DYM: variants seen among roughly 807,000 people sequenced by gnomAD.
The protein encoded by DYM is dyggve-Melchior-Clausen syndrome protein.
Under a neutral mutation model 93.1 loss-of-function variants are expected in DYM, and 78 were observed. The ratio of observed to expected loss-of-function variants is 0.84; its 90% CI spans 0.70 to 1.01. The LOEUF is 1.01. DYM is among the 50% of genes least tolerant of loss of function. The pLI is 0.00. For synonymous variants in DYM, 321 were observed against 319.7 expected, an observed-to-expected ratio of 1.00 and a Z score of -0.04; for missense variants, 789 against 845.0, an observed-to-expected ratio of 0.93 and a Z score of 0.82.
intron 6 of DYM, among the ~76,000 whole-genome samples, chr18:49,353,815 T>A (rs2065321934): frequency 1.3e-5 from 2 of 152,000 alleles, no homozygotes; most frequent in East Asian, 1.9e-4. Flanking sequence ...TATTCATGGA[T>A]AGAAAGACTC....
At chr18:49,044,672 A>G (rs542550244) in intron 17 of DYM, among the ~76,000 whole-genome samples, 1 of 152,234 alleles carries the variant, frequency 6.6e-6, no homozygotes, top group South Asian at 2.1e-4. Context: ...AGGGGTAGGC[A>G]TGTGCCACCG....
At chr18:49,350,015 T>C (rs1365936824) in intron 6 of DYM, among the ~76,000 whole-genome samples, 1 of 152,200 alleles carries the variant, frequency 6.6e-6, no homozygotes, top group Non-Finnish European at 1.5e-5. Flanking sequence ...AATTTTATAA[T>C]GTACAATGTT....
At chr18:49,332,790 T>A (rs944581317) in intron 7 of DYM, among the ~76,000 whole-genome samples, 3 of 152,154 alleles carry the variant, frequency 2.0e-5, no homozygotes, top group Admixed American at 1.3e-4. Flanking sequence ...ACCCTCTATG[T>A]CTATTTTTAA....
chr18:49,296,380 G>A (rs1215648935), intron 8 of DYM, among the ~76,000 whole-genome samples: 2 of 152,284 alleles, frequency 1.3e-5, no homozygotes, highest in Admixed American at 1.3e-4. Flanking sequence ...TGCTGCCTAT[G>A]TACTTGTATA....
At position 49,257,099 on chromosome 18, in the gene DYM, C is replaced by T; in HGVS notation, c.1371G>A (p.Lys457=). 1 of 1,613,630 alleles carries T rather than the reference C, an allele frequency of 6.2e-7. No homozygotes were observed. The highest frequency in any genetic ancestry group is 8.5e-7 in the Non-Finnish European group (1 of 1,179,582). Residue 457 remains lysine (K), a synonymous_variant, in exon 13 of 18, where the codon AAG becomes AAA. Transcript: ENST00000675505. ...IQYNMTRTRD[K]YLHTNCLAAL... ...CTGCCAAACAATTTGTGTGAAGGTA[C>T]TTGTCCTGTGAGGAAACAGCGGGTG...
At chr18:49,436,548 C>T (rs972438975) in intron 1 of DYM, among the ~76,000 whole-genome samples, 4 of 152,028 alleles carry the variant, frequency 2.6e-5, no homozygotes, top group African/African-American at 9.7e-5. Flanking sequence ...CTGAATATGC[C>T]TCAATAAACC....
chr18:49,215,960 C>T (rs529430233), intron 13 of DYM, among the ~76,000 whole-genome samples: 33 of 104,778 alleles, frequency 3.1e-4, no homozygotes, highest in East Asian at 1.7e-3. Context: ...TTGCCTCACT[C>T]GGGAAGCGCA....
intron 15 of DYM, among the ~76,000 whole-genome samples, chr18:49,139,095 C>CA (rs2084173808): frequency 6.6e-6 from 1 of 152,052 alleles, no homozygotes; most frequent in African/African-American, 2.4e-5. Context: ...AAAACGATTT[C>CA]AAAAATTTAT....
At chr18:49,460,028 G>T (rs1482998045) in intron 1 of DYM, among the ~76,000 whole-genome samples, 3 of 152,098 alleles carry the variant, frequency 2.0e-5, no homozygotes, top group Non-Finnish European at 4.4e-5. Flanking sequence ...TTAATTTTCT[G>T]ATATGTTAGT....
chr18:49,373,182 C>A (rs1451712250), intron 5 of DYM, among the ~76,000 whole-genome samples: 1 of 151,782 alleles, frequency 6.6e-6, no homozygotes, highest in Admixed American at 6.6e-5. Context: ...GAAAGGGGTC[C>A]CAATCCAGAC....
intron 17 of DYM, among the ~76,000 whole-genome samples, chr18:49,055,931 C>A (rs1309329770): frequency 2.6e-5 from 4 of 152,204 alleles, no homozygotes; most frequent in Non-Finnish European, 5.9e-5. Context: ...CAACCAGCGG[C>A]TGACTCTAAT....
rs2071067027 is a variant in DYM at position 49,043,260 on chromosome 18, G to C, written c.*795C>G. ...TCCTCCTACCTTAGCCTCCTGAGTAGCTAGGACTACAGGAATGTGCCATCA... is the reference window on the plus strand; with the variant it reads ...TCCTCCTACCTTAGCCTCCTGAGTACCTAGGACTACAGGAATGTGCCATCA... On this transcript the variant is annotated 3_prime_UTR_variant, in exon 18 of 18. Transcript: ENST00000675505. 1 of 152,014 alleles carries C rather than the reference G, an allele frequency of 6.6e-6. No homozygotes were observed. The highest frequency in any genetic ancestry group is 2.1e-4 in the South Asian group (1 of 4,822). The allele number at this position is 152,014 out of a possible 1,614,324, so 9.4% of individuals were successfully genotyped here.
intron 1 of DYM, among the ~76,000 whole-genome samples, chr18:49,437,114 T>C (rs894349824): frequency 1.3e-4 from 20 of 152,164 alleles, no homozygotes; most frequent in Admixed American, 8.5e-4. Flanking sequence ...TGGTACAAAA[T>C]ACAAAAGCTT....
chr18:49,391,876 A>G (rs545300153), intron 2 of DYM, among the ~76,000 whole-genome samples: 20 of 152,334 alleles, frequency 1.3e-4, no homozygotes, highest in African/African-American at 4.8e-4. Flanking sequence ...AGCTTGGGGC[A>G]CCCTGCCTTT....
At chr18:49,169,314 C>T (rs551040763) in intron 14 of DYM, among the ~76,000 whole-genome samples, 32 of 152,284 alleles carry the variant, frequency 2.1e-4, no homozygotes, top group African/African-American at 7.7e-4. Flanking sequence ...TCTTAAGAAA[C>T]AATTAGGAGT....
At chr18:49,125,429 C>A (rs912045689) in intron 15 of DYM, among the ~76,000 whole-genome samples, 7 of 152,178 alleles carry the variant, frequency 4.6e-5, no homozygotes, top group African/African-American at 1.4e-4. Context: ...GGCAGCCCTA[C>A]TAGCTTGCAT....
intron 10 of DYM, among the ~76,000 whole-genome samples, chr18:49,277,074 G>GT (rs2094862218): frequency 6.6e-6 from 1 of 152,158 alleles, no homozygotes; most frequent in Non-Finnish European, 1.5e-5. Flanking sequence ...GAATACAGGA[G>GT]TAAGAGAAGG....
At chr18:49,156,419 C>A (rs528503894) in intron 15 of DYM, among the ~76,000 whole-genome samples, 1 of 151,338 alleles carries the variant, frequency 6.6e-6, no homozygotes, top group Admixed American at 6.6e-5. Context: ...CAAACCACGC[C>A]CCCCCCTCAA....
intron 17 of DYM, among the ~76,000 whole-genome samples, chr18:49,063,388 A>G (rs1026597680): frequency 2.0e-5 from 3 of 151,484 alleles, no homozygotes; most frequent in African/African-American, 7.3e-5. Flanking sequence ...TATTTTGTAA[A>G]TAGATATATG....
Sources: gnomAD v4.1 joint callset for allele counts (sites outside exome capture counted in the v4.1 genomes callset) on GRCh38, gnomAD v4.1.1 for gene constraint, MANE v1.5 for transcripts, NCBI Gene and HGNC (gene_info 2026-07-23, HGNC 2026-07-21) for gene names.